DARS1: variants seen among roughly 807,000 people sequenced by gnomAD.
DARS1 encodes the protein aspartate--tRNA ligase, cytoplasmic.
In DARS1, 51 loss-of-function variants were observed where a neutral mutation model predicts 68.8. The observed-to-expected ratio is 0.74, with a 90% CI of 0.59 to 0.94. The LOEUF (loss-of-function observed/expected upper bound fraction) is 0.94. Among genes scored for constraint, DARS1 ranks in the 40% least tolerant of loss-of-function variants. The pLI, the probability that DARS1 is intolerant of heterozygous loss-of-function variation, is 0.00. For missense variants in DARS1, 607 were observed against 597.3 expected, an observed-to-expected ratio of 1.02 and a Z score of -0.17; for synonymous variants, 203 against 190.4, an observed-to-expected ratio of 1.07 and a Z score of -0.55.
chr2:135,911,582 C>CA (rs1451732732), intron 13 of DARS1, 89 bp from the exon 14 acceptor site: 2 of 670,072 alleles, frequency 3.0e-6, no homozygotes, highest in Non-Finnish European at 5.3e-6. Flanking sequence ...GCATGAAGAG[C>CA]AAGTTCATTT....
intron 3 of DARS1, among the ~76,000 whole-genome samples, chr2:135,974,463 C>T (rs1682452780): frequency 6.6e-6 from 1 of 152,154 alleles, no homozygotes; most frequent in Non-Finnish European, 1.5e-5. Context: ...CATCACATAA[C>T]ACAATTATAT....
At chr2:135,958,140 T>A (rs1210167368) in intron 4 of DARS1, among the ~76,000 whole-genome samples, 19 of 152,206 alleles carry the variant, frequency 1.2e-4, no homozygotes, top group Admixed American at 1.2e-3. Context: ...AATCTAAGAA[T>A]GACAATTTAA....
chr2:135,983,920 T>C (rs1682702117), intron 1 of DARS1, among the ~76,000 whole-genome samples: 1 of 152,200 alleles, frequency 6.6e-6, no homozygotes, highest in Admixed American at 6.5e-5. Context: ...ATGTCCACAG[T>C]TTTTAGAAAC....
intron 7 of DARS1, among the ~76,000 whole-genome samples, chr2:135,931,893 G>C (rs1296044930): frequency 6.6e-6 from 1 of 152,078 alleles, no homozygotes; most frequent in African/African-American, 2.4e-5. Flanking sequence ...TCAAATTCTA[G>C]AGGCACAAAC....
At chr2:135,977,561 G>A (rs1682528046) in intron 3 of DARS1, among the ~76,000 whole-genome samples, 1 of 152,164 alleles carries the variant, frequency 6.6e-6, no homozygotes, top group Admixed American at 6.6e-5. Flanking sequence ...TCAGTATAAC[G>A]GGAGAGAGAC....
intron 2 of DARS1, among the ~76,000 whole-genome samples, chr2:135,982,394 G>A (rs184897417): frequency 4.6e-5 from 7 of 151,930 alleles, no homozygotes; most frequent in Admixed American, 3.9e-4. Context: ...TCAGGAGTTC[G>A]AGATCAGCCT....
chr2:135,937,631 G>A (rs1320766314), intron 5 of DARS1, among the ~76,000 whole-genome samples: 1 of 152,210 alleles, frequency 6.6e-6, no homozygotes, highest in Non-Finnish European at 1.5e-5. Context: ...GCTGGTACTG[G>A]TTGTTCCTTT....
chr2:135,980,266 C>T (rs1271327417), intron 2 of DARS1, among the ~76,000 whole-genome samples: 1 of 152,270 alleles, frequency 6.6e-6, no homozygotes, highest in South Asian at 2.1e-4. Flanking sequence ...GTGTATACAA[C>T]GCAACATTCA....
chr2:135,943,600 G>A, intron 4 of DARS1, 120 bp from the exon 5 acceptor site: 3 of 1,432,188 alleles, frequency 2.1e-6, no homozygotes, highest in Non-Finnish European at 2.8e-6. Flanking sequence ...AGCCACTTGA[G>A]ATAAAGCCAG....
intron 4 of DARS1, among the ~76,000 whole-genome samples, chr2:135,957,359 C>T (rs141463120): frequency 0.034 from 5,117 of 152,128 alleles, 309 homozygotes; most frequent in African/African-American, 0.12. Flanking sequence ...TCCCGAGTAG[C>T]TGGGACTACA....
intron 15 of DARS1, among the ~76,000 whole-genome samples, chr2:135,910,427 AT>A (rs2104791848): frequency 6.6e-6 from 1 of 152,148 alleles, no homozygotes; most frequent in South Asian, 2.1e-4. Flanking sequence ...GATGTTGAGC[AT>A]TTTTTCATAT....
chr2:135,969,748 A>C (rs1172843677), intron 3 of DARS1, among the ~76,000 whole-genome samples: 1 of 152,176 alleles, frequency 6.6e-6, no homozygotes, highest in Non-Finnish European at 1.5e-5. Context: ...TATTTATAGA[A>C]GTTATGCTCT....
At chr2:135,933,636 G>GTAATAAATATTTAAAA (rs1267962557) in intron 6 of DARS1, among the ~76,000 whole-genome samples, 2 of 151,934 alleles carry the variant, frequency 1.3e-5, no homozygotes, top group Admixed American at 6.6e-5. Context: ...TTTTAATAAA[G>GTAATAAATATTTAAAA]TAATAAATAT....
Position 135,985,245 on chromosome 2 carries a change from T to C in DARS1, c.66+158A>G. ...CGGTCCGGAGAGGGTCTGGCCCCACTGCTGGGGCAAGGGCTCTAGGCGCCC... is the reference window on the plus strand; with the variant it reads ...CGGTCCGGAGAGGGTCTGGCCCCACCGCTGGGGCAAGGGCTCTAGGCGCCC... On this transcript the variant is annotated intron_variant, in intron 1 of 15. Coordinates refer to ENST00000264161, the MANE Select transcript of DARS1 (RefSeq NM_001349.4). 2.4e-6 allele frequency: 3 copies of C among 1,244,070 alleles called. No homozygotes were observed. The South Asian group carries it at 4.9e-5, about 20-fold the overall frequency. The allele number at this position is 1,244,070 out of a possible 1,614,324, so 77.1% of individuals were successfully genotyped here. A position where few individuals can be genotyped will look rare whatever the true frequency, so the allele number is the denominator to read the frequency against.
At chr2:135,941,592 G>C (rs1681597235) in intron 5 of DARS1, among the ~76,000 whole-genome samples, 1 of 151,284 alleles carries the variant, frequency 6.6e-6, no homozygotes, top group Non-Finnish European at 1.5e-5. Flanking sequence ...TCAGGACATA[G>C]GCATGGGCAA....
chr2:135,943,373 CTT>C lies in DARS1; in HGVS notation c.423+3_423+4del. On this transcript the variant is annotated splice_donor_region_variant and intron_variant, in intron 5 of 15. Transcript: ENST00000264161. The stretch of plus-strand genomic sequence containing the variant: ...TATGCGATTTTATATTTTGAAAAAA[CTT>C]ACCTTCTGAACATGTAACTCAACGT... 6.2e-7 allele frequency: 1 copy of C among 1,604,488 alleles called. No homozygotes were observed. Among genetic ancestry groups the C allele is most frequent in the Non-Finnish European group, 8.5e-7 (1 of 1,176,608 alleles).
chr2:135,939,506 A>G (rs1681546953), intron 5 of DARS1, among the ~76,000 whole-genome samples: 2 of 152,366 alleles, frequency 1.3e-5, no homozygotes, highest in South Asian at 4.1e-4. Flanking sequence ...ACACATTTAA[A>G]GCAGTGTGTA....
At chr2:135,916,469 A>T (rs888899858) in intron 10 of DARS1, 97 bp from the exon 11 acceptor site, 4 of 658,170 alleles carry the variant, frequency 6.1e-6, no homozygotes, top group Non-Finnish European at 8.2e-6. Flanking sequence ...TCTTTGAATC[A>T]GTATATACAC....
At chr2:135,939,120 G>T (rs1558786544) in intron 5 of DARS1, among the ~76,000 whole-genome samples, 1 of 152,082 alleles carries the variant, frequency 6.6e-6, no homozygotes, top group Non-Finnish European at 1.5e-5. Flanking sequence ...AGATAACAAG[G>T]ATATCCAGGA....
Sources: allele counts gnomAD v4.1 joint callset (sites outside exome capture counted in the v4.1 genomes callset), GRCh38; gene constraint gnomAD v4.1.1; transcripts MANE v1.5; gene names NCBI Gene and HGNC (gene_info 2026-07-23, HGNC 2026-07-21).